FAM167A: variants seen among roughly 807,000 people sequenced by gnomAD.
The protein encoded by FAM167A is family with sequence similarity 167 member A, also known as protein FAM167A.
In FAM167A, 23 loss-of-function variants were observed where a neutral mutation model predicts 14.9. The ratio of observed to expected loss-of-function variants is 1.55; its 90% CI spans 1.11 to 2.19. The LOEUF is 2.19. FAM167A is among the 30% of genes most tolerant of loss of function. The pLI is 0.00. For synonymous variants in FAM167A, 174 were observed against 117.7 expected (o/e 1.48, Z -3.10); for missense variants, 401 against 281.5 (o/e 1.42, Z -3.04).
chr8:11,453,286 C>T (rs1310394890), intron 1 of FAM167A, among the ~76,000 whole-genome samples: 1 of 152,214 alleles, frequency 6.6e-6, no homozygotes, highest in Non-Finnish European at 1.5e-5. Context: ...TGATCTCCTG[C>T]CTCAGCCTCC....
chr8:11,438,024 G>A (rs954645087), intron 2 of FAM167A: 4 of 381,026 alleles, frequency 1.0e-5, no homozygotes, highest in South Asian at 7.6e-5. Flanking sequence ...TTATGTGCCT[G>A]TCTTCTCCTT....
intron 1 of FAM167A, among the ~76,000 whole-genome samples, chr8:11,461,338 C>A (rs796294869): frequency 3.3e-5 from 5 of 152,236 alleles, no homozygotes; most frequent in African/African-American, 1.2e-4. Context: ...TGGTTTTCCT[C>A]CCGGGAAACG....
intron 1 of FAM167A, among the ~76,000 whole-genome samples, chr8:11,459,507 C>G (rs543355597): frequency 3.3e-5 from 5 of 152,208 alleles, no homozygotes; most frequent in Non-Finnish European, 4.4e-5. Flanking sequence ...AGAGACCGAG[C>G]GCCTCGGTCT....
rs79371314 is a variant in FAM167A, at chr8:11,438,277, G to C, written c.381+5754C>G. On this transcript the variant is annotated intron_variant, in intron 2 of 2. Coordinates refer to ENST00000284486, the MANE Select transcript of FAM167A (RefSeq NM_053279.3). ...GACCCTGCAAGACAGCCAGGAAAGGGAGAGCAGGCAGGACCTCCCGGTTGG... is the reference window on the plus strand; with the variant it reads ...GACCCTGCAAGACAGCCAGGAAAGGCAGAGCAGGCAGGACCTCCCGGTTGG... The C allele has an allele frequency of 9.1e-4, 366 of 402,616 alleles. 2 individuals carry two copies. The highest frequency in any genetic ancestry group is 6.9e-3 in the African/African-American group (336 of 48,632). The allele number at this position is 402,616 out of a possible 1,614,324, so 24.9% of individuals were successfully genotyped here.
intron 2 of FAM167A, among the ~76,000 whole-genome samples, chr8:11,430,825 G>C (rs1344537199): frequency 6.6e-6 from 1 of 152,172 alleles, no homozygotes; most frequent in African/African-American, 2.4e-5. Context: ...AAACGCAAGG[G>C]GAAGGTCAGC....
chr8:11,445,545 T>A, intron 1 of FAM167A: 1 of 985,554 alleles, frequency 1.0e-6, no homozygotes, highest in Non-Finnish European at 1.2e-6. Context: ...CTTCTCGTGT[T>A]CACCTAAGTG....
chr8:11,439,967 A>C (rs559721833), intron 2 of FAM167A, among the ~76,000 whole-genome samples: 1 of 152,232 alleles, frequency 6.6e-6, no homozygotes, highest in East Asian at 1.9e-4. Flanking sequence ...ACTCAGCTAG[A>C]GAGGAGAGAA....
intron 2 of FAM167A, among the ~76,000 whole-genome samples, chr8:11,425,178 G>A (rs1805051262): frequency 6.6e-6 from 1 of 152,198 alleles, no homozygotes; most frequent in Admixed American, 6.5e-5. Flanking sequence ...AACAAAAATT[G>A]GTTCCTAGGT....
At chr8:11,450,981 A>G (rs893754612) in intron 1 of FAM167A, among the ~76,000 whole-genome samples, 8 of 152,208 alleles carry the variant, frequency 5.3e-5, no homozygotes, top group Non-Finnish European at 1.5e-5. Context: ...GGACAGTCTG[A>G]TGTGACAGAC....
At chr8:11,450,249 C>G (rs948365268) in intron 1 of FAM167A, among the ~76,000 whole-genome samples, 2 of 152,230 alleles carry the variant, frequency 1.3e-5, no homozygotes, top group Admixed American at 6.5e-5. Context: ...CCAGGCTGGG[C>G]TGTGTGTACC....
At chr8:11,447,610 G>A (rs1413158047) in intron 1 of FAM167A, among the ~76,000 whole-genome samples, 1 of 152,216 alleles carries the variant, frequency 6.6e-6, no homozygotes, top group African/African-American at 2.4e-5. Context: ...ATTTCACCAA[G>A]GAGAAATCGA....
At chr8:11,456,386 GGT>G (rs767230076) in intron 1 of FAM167A, among the ~76,000 whole-genome samples, 707 of 9,118 alleles carry the variant, frequency 0.078, 17 homozygotes, top group African/African-American at 0.21. Flanking sequence ...TGCCCTGCCT[GGT>G]GTGTGTGTGA....
In FAM167A at chr8:11,444,106, G is replaced by C. The variant is rs753220075; in HGVS notation, c.306C>G (p.Ala102=). 1.3e-5 allele frequency: 21 copies of C among 1,613,374 alleles called. No homozygotes were observed. The East Asian group carries it at 3.6e-4, about 27-fold the overall frequency. Residue 102 remains alanine, a synonymous_variant, in exon 2 of 3, where the codon GCC becomes GCG. Transcript: ENST00000284486. ...PPSARSASQG[A]RPLSTGKLEG... ...CCAGCTTGCCAGTGGACAGGGGTCT[G>C]GCACCTTGGCTGGCACTCCTGGCAG...
chr8:11,437,132 A>G (rs6986743), intron 2 of FAM167A, among the ~76,000 whole-genome samples: 1 of 152,274 alleles, frequency 6.6e-6, no homozygotes, highest in Non-Finnish European at 1.5e-5. Context: ...CAGGGGCCTC[A>G]CAGTTTCCTA....
Position 11,424,660 on chromosome 8 carries a change from G to C in FAM167A, c.382-24C>G, listed in dbSNP as rs373127114. The C allele has an allele frequency of 6.2e-6, 10 of 1,611,010 alleles. No individual in the cohort carries two copies. In the African/African-American group the frequency reaches 1.2e-4, roughly 19 times the overall value. On this transcript the variant is annotated intron_variant, in intron 2 of 2. Transcript: ENST00000284486. ...GTCTGGAAGGGAGGGGGAGCAGGCA[G>C]GGTCAGCAGAGAGTGGCTCGAGTCC... is the stretch of plus-strand genomic sequence containing the variant.
Position 11,423,329 on chromosome 8 carries a change from C to T in FAM167A, c.*1044G>A, listed in dbSNP as rs1223190241. The T allele has an allele frequency of 6.6e-6, 1 of 152,598 alleles. No individual in the cohort carries two copies. Among genetic ancestry groups the T allele is most frequent in the Non-Finnish European group, 1.5e-5 (1 of 68,042 alleles). The allele number at this position is 152,598 out of a possible 1,614,324, so 9.5% of individuals were successfully genotyped here. On this transcript the variant is annotated 3_prime_UTR_variant, in exon 3 of 3. Coordinates refer to ENST00000284486, the MANE Select transcript of FAM167A (RefSeq NM_053279.3). ...AATCCTACGCACTGTAGTTGACCTACACAAGTGGCTTCCGCATTTGGACAA... is the reference window on the plus strand; with the variant it reads ...AATCCTACGCACTGTAGTTGACCTATACAAGTGGCTTCCGCATTTGGACAA...
At chr8:11,445,849 T>C (rs879617423) in intron 1 of FAM167A, among the ~76,000 whole-genome samples, 1 of 151,492 alleles carries the variant, frequency 6.6e-6, no homozygotes, top group South Asian at 2.1e-4. Flanking sequence ...CTGGGGGACA[T>C]GCAGCTATAA....
intron 2 of FAM167A, among the ~76,000 whole-genome samples, chr8:11,440,227 G>A (rs975168966): frequency 6.6e-6 from 1 of 152,206 alleles, no homozygotes; most frequent in South Asian, 2.1e-4. Flanking sequence ...CACAGCCAGA[G>A]AGCCACACAT....
chr8:11,438,865 G>A (rs1806238686), intron 2 of FAM167A, among the ~76,000 whole-genome samples: 1 of 152,198 alleles, frequency 6.6e-6, no homozygotes, highest in Non-Finnish European at 1.5e-5. Context: ...CGCTCAGCCA[G>A]TGCCTCGCTG....
Sources: gnomAD v4.1 joint callset for allele counts (sites outside exome capture counted in the v4.1 genomes callset) on GRCh38, gnomAD v4.1.1 for gene constraint, MANE v1.5 for transcripts, NCBI Gene and HGNC (gene_info 2026-07-23, HGNC 2026-07-21) for gene names.